Variants in BDKRB2 observed in about 807,000 individuals in gnomAD.
BDKRB2 encodes the protein B2 bradykinin receptor.
BDKRB2 carries 6 observed loss-of-function variants against 4.0 expected under a neutral mutation model. The observed-to-expected ratio is 1.49, with a 90% CI of 0.81 to 2.93. BDKRB2 has a LOEUF of 2.93. BDKRB2 is among the 30% of genes most tolerant of loss of function. BDKRB2 has a pLI of 0.00. For synonymous variants in BDKRB2, 225 were observed against 215.3 expected (o/e 1.05, Z -0.40); for missense variants, 478 against 520.1 (o/e 0.92, Z 0.79).
intron 2 of BDKRB2, chr14:96,237,955 C>T: frequency 8.3e-7 from 1 of 1,205,396 alleles, no homozygotes; most frequent in Non-Finnish European, 1.1e-6. Flanking sequence ...GACAGACTCT[C>T]CAAGCCAGGG....
chr14:96,207,646 C>T (rs985577394), intron 1 of BDKRB2, among the ~76,000 whole-genome samples: 5 of 152,060 alleles, frequency 3.3e-5, no homozygotes, highest in African/African-American at 1.2e-4. Flanking sequence ...TCATCAATTA[C>T]AACAAATTGA....
intron 2 of BDKRB2, chr14:96,237,866 G>A: frequency 1.6e-6 from 2 of 1,287,906 alleles, no homozygotes; most frequent in African/African-American, 1.5e-5. Context: ...CCATCCCCTT[G>A]GCTACTGTCT....
At chr14:96,205,432 A>G (rs890090905) in intron 1 of BDKRB2, among the ~76,000 whole-genome samples, 1 of 150,766 alleles carries the variant, frequency 6.6e-6, no homozygotes, top group Non-Finnish European at 1.5e-5. Flanking sequence ...TCTGTCTGCA[A>G]AGCAGCCAGC....
chr14:96,230,064 G>T (rs1890783304), intron 1 of BDKRB2, among the ~76,000 whole-genome samples: 1 of 151,824 alleles, frequency 6.6e-6, no homozygotes, highest in Admixed American at 6.6e-5. Flanking sequence ...AACCCGGGAG[G>T]CAGAGCTTGC....
intron 1 of BDKRB2, among the ~76,000 whole-genome samples, chr14:96,211,401 A>C (rs1890298851): frequency 6.6e-6 from 1 of 152,240 alleles, no homozygotes; most frequent in Non-Finnish European, 1.5e-5. Flanking sequence ...AGGTGAGAGA[A>C]GGACCTCTTG....
At chr14:96,212,153 G>T (rs908738932) in intron 1 of BDKRB2, among the ~76,000 whole-genome samples, 5 of 152,178 alleles carry the variant, frequency 3.3e-5, no homozygotes, top group African/African-American at 1.2e-4. Context: ...TTACCATGAG[G>T]ATGCATATCT....
chr14:96,233,210 C>T (rs1890858392), intron 1 of BDKRB2, among the ~76,000 whole-genome samples: 1 of 152,106 alleles, frequency 6.6e-6, no homozygotes, highest in Non-Finnish European at 1.5e-5. Flanking sequence ...TTTTTTGGTA[C>T]TTTTTGTAGA....
chr14:96,206,569 C>T (rs995241722), intron 1 of BDKRB2, among the ~76,000 whole-genome samples: 3 of 151,720 alleles, frequency 2.0e-5, no homozygotes, highest in Non-Finnish European at 4.4e-5. Flanking sequence ...AAAGTCATCT[C>T]GGTTCTTGCC....
rs368962753 is a variant in BDKRB2, at chr14:96,208,148, A to G, written c.-40+3189A>G. 1.1e-4 allele frequency among the ~76,000 whole-genome samples: 17 copies of G among 152,288 alleles called. No individual in the cohort carries two copies. The East Asian group carries it at 2.7e-3, about 24-fold the overall frequency. ...CTCTCTGAGCTAAATATCCACAGCT[A>G]CTAAATCTGCCCCCCTTGAAAAGTG... On this transcript the variant is annotated intron_variant, in intron 1 of 2. Coordinates refer to ENST00000554311, the MANE Select transcript of BDKRB2 (RefSeq NM_001379692.1).
rs563833557 is a variant in BDKRB2, at chr14:96,237,967, T to C, written c.74+786T>C. Reference sequence around the variant, plus strand: ...GATGACAGACTCTCCAAGCCAGGGGTATGCAGGAAATGGGTTTTCTGTAGC... The same window carrying C: ...GATGACAGACTCTCCAAGCCAGGGGCATGCAGGAAATGGGTTTTCTGTAGC... On this transcript the variant is annotated intron_variant, in intron 2 of 2. Coordinates refer to ENST00000554311, the MANE Select transcript of BDKRB2 (RefSeq NM_001379692.1). 9 of 1,189,228 alleles carry C rather than the reference T, an allele frequency of 7.6e-6. No individual in the cohort carries two copies. In the South Asian group the frequency reaches 1.1e-4, roughly 15 times the overall value. The allele number at this position is 1,189,228 out of a possible 1,614,324, so 73.7% of individuals were successfully genotyped here.
rs2242960 is a variant in BDKRB2 at position 96,238,391 on chromosome 14, G to A, written c.74+1210G>A. ...ACCATTAGTAAGAAGTCCAGCCCAC[G>A]TCCAGGAGAAGAGGAAGCAGATTCC... On this transcript the variant is annotated intron_variant, in intron 2 of 2. Coordinates refer to ENST00000554311, the MANE Select transcript of BDKRB2 (RefSeq NM_001379692.1). 3.0e-4 allele frequency: 279 copies of A among 921,324 alleles called. No individual in the cohort carries two copies. In the African/African-American group the frequency reaches 4.7e-3, roughly 15 times the overall value. The allele number at this position is 921,324 out of a possible 1,614,324, so 57.1% of individuals were successfully genotyped here. A position where few individuals can be genotyped will look rare whatever the true frequency, so the allele number is the denominator to read the frequency against.
rs141454126 is a variant in BDKRB2 at position 96,209,860 on chromosome 14, G to A, written c.-40+4901G>A. Among the ~76,000 whole-genome samples, 1,214 of 152,226 alleles carry A rather than the reference G, an allele frequency of 8.0e-3. 16 individuals are homozygous for A. Among genetic ancestry groups the A allele is most frequent in the African/African-American group, 0.028 (1,149 of 41,522 alleles). On this transcript the variant is annotated intron_variant, in intron 1 of 2. Transcript: ENST00000554311. ...AAAATACAAAAACTAGCCAGGCACG[G>A]TGGTGCATGCCTGTAGTCCTAGCTA... is the stretch of plus-strand genomic sequence containing the variant.
chr14:96,221,329 C>T (rs1358769905), intron 1 of BDKRB2, among the ~76,000 whole-genome samples: 2 of 152,152 alleles, frequency 1.3e-5, no homozygotes, highest in African/African-American at 4.8e-5. Flanking sequence ...CAGGGAAATG[C>T]TCTGTAAATG....
intron 1 of BDKRB2, chr14:96,223,109 T>C: frequency 8.0e-7 from 1 of 1,242,636 alleles, no homozygotes; most frequent in Non-Finnish European, 1.2e-6. Context: ...CGAGCGATCA[T>C]GTCACACAAA....
At chr14:96,221,495 G>A (rs992474851) in intron 1 of BDKRB2, among the ~76,000 whole-genome samples, 9 of 152,204 alleles carry the variant, frequency 5.9e-5, no homozygotes, top group Middle Eastern at 3.4e-3. Flanking sequence ...CTCAGGAGAC[G>A]TCAACAGACA....
chr14:96,219,082 A>G (rs573209732), intron 1 of BDKRB2, among the ~76,000 whole-genome samples: 2 of 152,144 alleles, frequency 1.3e-5, no homozygotes, highest in South Asian at 4.1e-4. Flanking sequence ...GGCAGGGATC[A>G]CTTGAGCCTA....
At chr14:96,216,710 G>GA (rs1890427413) in intron 1 of BDKRB2, among the ~76,000 whole-genome samples, 2 of 73,340 alleles carry the variant, frequency 2.7e-5, no homozygotes, top group African/African-American at 4.0e-5. Context: ...GAGGAAGGAG[G>GA]AGGAAGAGGA....
chr14:96,226,292 A>T (rs1890695825), intron 1 of BDKRB2, among the ~76,000 whole-genome samples: 1 of 152,172 alleles, frequency 6.6e-6, no homozygotes, highest in Non-Finnish European at 1.5e-5. Context: ...TGGTTTTGAC[A>T]ATCAGACAAT....
At chr14:96,205,469 T>C (rs1011025881) in intron 1 of BDKRB2, among the ~76,000 whole-genome samples, 1 of 150,572 alleles carries the variant, frequency 6.6e-6, no homozygotes, top group African/African-American at 2.4e-5. Flanking sequence ...GGTGGCAGGG[T>C]TAAATCAGAA....
Sources: gnomAD v4.1 joint callset for allele counts (sites outside exome capture counted in the v4.1 genomes callset) on GRCh38, gnomAD v4.1.1 for gene constraint, MANE v1.5 for transcripts, NCBI Gene and HGNC (gene_info 2026-07-23, HGNC 2026-07-21) for gene names.